STPG2: variants seen among roughly 807,000 people sequenced by gnomAD.
STPG2 encodes sperm-tail PG-rich repeat-containing protein 2.
STPG2 carries 56 observed loss-of-function variants against 54.2 expected under a neutral mutation model. The observed-to-expected ratio is 1.03, with a 90% CI of 0.83 to 1.29. The LOEUF is 1.29. STPG2 is among the 50% of genes most tolerant of loss of function. STPG2 has a pLI of 0.00. For synonymous variants in STPG2, 200 were observed against 181.8 expected (o/e 1.10, Z -0.81); for missense variants, 596 against 544.9 (o/e 1.09, Z -0.93).
chr4:97,619,718 C>T (rs918578779), intron 10 of STPG2, among the ~76,000 whole-genome samples: 5 of 151,930 alleles, frequency 3.3e-5, no homozygotes, highest in Admixed American at 6.6e-5. Flanking sequence ...CAAGAAGCTT[C>T]GAATACCCCT....
intron 9 of STPG2, among the ~76,000 whole-genome samples, chr4:97,734,770 C>A (rs949040741): frequency 1.3e-5 from 2 of 152,028 alleles, no homozygotes; most frequent in Non-Finnish European, 2.9e-5. Flanking sequence ...AGGACAACAT[C>A]AAACTAAAAA....
chr4:97,803,395 A>C (rs1727454929), intron 9 of STPG2, among the ~76,000 whole-genome samples: 1 of 152,200 alleles, frequency 6.6e-6, no homozygotes, highest in African/African-American at 2.4e-5. Flanking sequence ...TTGACCAAAA[A>C]ATTTAAAAAT....
At chr4:97,531,766 T>C (rs894998637) in intron 4 of STPG2, among the ~76,000 whole-genome samples, 15 of 152,062 alleles carry the variant, frequency 9.9e-5, no homozygotes, top group African/African-American at 3.6e-4. Flanking sequence ...GGTACAAAAA[T>C]AGAAAGGAGT....
intron 8 of STPG2, among the ~76,000 whole-genome samples, chr4:97,862,215 G>GACAC (rs1407936959): frequency 2.0e-5 from 3 of 150,556 alleles, no homozygotes; most frequent in Non-Finnish European, 3.0e-5. Flanking sequence ...TGTGTGCAGA[G>GACAC]ACACACATAG....
chr4:97,590,745 T>C (rs1733125263), intron 10 of STPG2, among the ~76,000 whole-genome samples: 1 of 149,406 alleles, frequency 6.7e-6, no homozygotes, highest in African/African-American at 2.5e-5. Flanking sequence ...GGTGTAAAAA[T>C]TAGAATGATA....
chr4:97,858,011 A>C (rs1729388068), intron 8 of STPG2, among the ~76,000 whole-genome samples: 1 of 152,078 alleles, frequency 6.6e-6, no homozygotes, highest in South Asian at 2.1e-4. Context: ...ATATAAAAAA[A>C]TTAATAAAAA....
chr4:97,738,989 A>T (rs1463294129), intron 9 of STPG2, among the ~76,000 whole-genome samples: 1 of 152,132 alleles, frequency 6.6e-6, no homozygotes, highest in Admixed American at 6.6e-5. Flanking sequence ...CAAATGTAAA[A>T]GAACAGAAAT....
intron 8 of STPG2, among the ~76,000 whole-genome samples, chr4:97,844,724 TG>T (rs1728897927): frequency 6.6e-6 from 1 of 152,002 alleles, no homozygotes; most frequent in East Asian, 1.9e-4. Flanking sequence ...TTATTACATT[TG>T]GAGAGTTTTC....
intron 9 of STPG2, among the ~76,000 whole-genome samples, chr4:97,822,928 CA>C (rs2149106068): frequency 6.6e-6 from 1 of 152,270 alleles, no homozygotes; most frequent in African/African-American, 2.4e-5. Context: ...TTCCTTAAAC[CA>C]AAGCATAACC....
At chr4:97,859,378 T>C (rs557581259) in intron 8 of STPG2, among the ~76,000 whole-genome samples, 55 of 152,302 alleles carry the variant, frequency 3.6e-4, no homozygotes, top group Middle Eastern at 3.4e-3. Flanking sequence ...CTGCTGATTA[T>C]TTCTTTTGCT....
In STPG2 at chr4:97,884,300, A is replaced by G. The variant is rs973208298; in HGVS notation, c.1045-43368T>C. ...AAATTTTTACAATGAACTTAACCCT[A>G]ACCCTCAGTACCTCAAAATGTGACT... On this transcript the variant is annotated intron_variant, in intron 8 of 10. Coordinates refer to ENST00000295268, the MANE Select transcript of STPG2 (RefSeq NM_174952.3). Among the ~76,000 whole-genome samples the G allele has an allele frequency of 3.1e-4, 47 of 152,192 alleles. 4 individuals carry two copies. Among genetic ancestry groups the G allele is most frequent in the Non-Finnish European group, 1.5e-5 (1 of 68,036 alleles).
chr4:97,788,303 C>G (rs561372206), intron 9 of STPG2, among the ~76,000 whole-genome samples: 3 of 151,998 alleles, frequency 2.0e-5, no homozygotes, highest in Admixed American at 6.6e-5. Context: ...GTTTAGCTCC[C>G]ACAAATAAGT....
chr4:97,909,751 C>T (rs1020093800), intron 8 of STPG2, among the ~76,000 whole-genome samples: 6 of 151,910 alleles, frequency 3.9e-5, no homozygotes, highest in Non-Finnish European at 7.4e-5. Flanking sequence ...GAATATATTC[C>T]TAATATAACA....
intron 4 of STPG2, among the ~76,000 whole-genome samples, chr4:97,513,286 G>T (rs749306873): frequency 2.0e-5 from 3 of 152,018 alleles, no homozygotes; most frequent in African/African-American, 7.2e-5. Context: ...ACTGCCACTC[G>T]TTCAGTTATC....
chr4:98,143,000 A>T, intron 1 of STPG2, 42 bp downstream of exon 1: 1 of 1,535,226 alleles, frequency 6.5e-7, no homozygotes, highest in Non-Finnish European at 8.9e-7. Flanking sequence ...GGCTGAAGAT[A>T]GGATGCCTGT....
chr4:97,964,351 A>T (rs566098032), intron 7 of STPG2, among the ~76,000 whole-genome samples: 1 of 152,316 alleles, frequency 6.6e-6, no homozygotes, highest in South Asian at 2.1e-4. Context: ...GGAGGGAGAC[A>T]TTGTATCTTT....
chr4:97,827,613 T>C lies in STPG2; in HGVS notation c.1204+13160A>G, dbSNP rs1327834133. Among the ~76,000 whole-genome samples the C allele has an allele frequency of 2.6e-5, 4 of 152,130 alleles. 1 individual carries two copies. The highest frequency in any genetic ancestry group is 5.9e-5 in the Non-Finnish European group (4 of 68,030). On this transcript the variant is annotated intron_variant, in intron 9 of 10. Transcript: ENST00000295268. ...CATATTTGTTTCTCTCCACCTGATT[T>C]CTCCAAAATTGGAAAACAAGCCGTG...
At chr4:98,030,298 T>C (rs1422002185) in intron 5 of STPG2, among the ~76,000 whole-genome samples, 3 of 152,270 alleles carry the variant, frequency 2.0e-5, no homozygotes, top group Non-Finnish European at 2.9e-5. Flanking sequence ...ACAGCTCACA[T>C]AGGCAAATTA....
intron 9 of STPG2, among the ~76,000 whole-genome samples, chr4:97,770,127 C>T (rs1434664722): frequency 6.6e-6 from 1 of 152,146 alleles, no homozygotes; most frequent in Non-Finnish European, 1.5e-5. Flanking sequence ...AGGAAAGTCG[C>T]TTGAACCTGG....
Sources: allele counts gnomAD v4.1 joint callset (sites outside exome capture counted in the v4.1 genomes callset), GRCh38; gene constraint gnomAD v4.1.1; transcripts MANE v1.5; gene names NCBI Gene and HGNC (gene_info 2026-07-23, HGNC 2026-07-21).